Variants in LRTM3 observed in about 807,000 individuals in gnomAD.
LRTM3 encodes the protein leucine-rich repeat transmembrane protein 3.
At chr13:102,741,839 C>T in the LRTM3 span, 237 of 1,550,314 alleles carry the variant, frequency 1.5e-4, 2 homozygotes, top group South Asian at 2.1e-3. Context: ...TGTTCTAATT[C>T]GTGGGGCATC....
At chr13:102,757,252 G>A in the LRTM3 span, among the ~76,000 whole-genome samples, 1 of 152,166 alleles carries the variant, frequency 6.6e-6, no homozygotes, top group Non-Finnish European at 1.5e-5. Context: ...CTGAGAACTA[G>A]TGTTGCTAGT....
At chr13:102,733,844 G>A in the LRTM3 span, 4 of 1,551,348 alleles carry the variant, frequency 2.6e-6, no homozygotes, top group East Asian at 9.8e-5. Context: ...CTCTGGGCGG[G>A]GCACATACTG....
the LRTM3 span, chr13:102,744,610 G>T: frequency 6.4e-7 from 1 of 1,550,600 alleles, no homozygotes; most frequent in African/African-American, 1.4e-5. Flanking sequence ...TCCAAGATCT[G>T]CCTTCGGGAC....
At chr13:102,734,057 A>G in the LRTM3 span, 3 of 1,551,470 alleles carry the variant, frequency 1.9e-6, no homozygotes, top group Non-Finnish European at 2.6e-6. Context: ...TGACAGAACC[A>G]CACATGCTTC....
At chr13:102,745,315 A>C in the LRTM3 span, 4 of 1,550,586 alleles carry the variant, frequency 2.6e-6, no homozygotes, top group Non-Finnish European at 3.5e-6. Flanking sequence ...CTTCATGTGG[A>C]GATGTATCTT....
At chr13:102,748,121 CTA>C in the LRTM3 span, 1 of 1,551,048 alleles carries the variant, frequency 6.4e-7, no homozygotes, top group East Asian at 2.4e-5. Flanking sequence ...TTTTGATATG[CTA>C]TGTGTTTCTG....
chr13:102,752,484 C>T, the LRTM3 span, among the ~76,000 whole-genome samples: 1 of 152,158 alleles, frequency 6.6e-6, no homozygotes, highest in Non-Finnish European at 1.5e-5. Context: ...TCATTCTTTT[C>T]AAAACACCAT....
chr13:102,735,017 A>G, the LRTM3 span: 1 of 1,551,024 alleles, frequency 6.4e-7, no homozygotes, highest in African/African-American at 1.4e-5. Context: ...GGGTCTTGTT[A>G]ATATTGGTAT....
At chr13:102,737,926 A>G in the LRTM3 span, 15 of 1,550,754 alleles carry the variant, frequency 9.7e-6, no homozygotes, top group South Asian at 1.2e-5. Flanking sequence ...TCTTGTCTCC[A>G]TCCATTTTCC....
the LRTM3 span, among the ~76,000 whole-genome samples, chr13:102,754,141 G>A: frequency 6.8e-6 from 1 of 147,292 alleles, no homozygotes; most frequent in Non-Finnish European, 1.5e-5. Flanking sequence ...GGAGATGAAG[G>A]TTGCAGTGAG....
the LRTM3 span, chr13:102,738,660 C>G: frequency 2.6e-6 from 4 of 1,550,490 alleles, no homozygotes; most frequent in Non-Finnish European, 3.5e-6. Context: ...GCTGTTTTCT[C>G]TGTATCTGAT....
chr13:102,735,407 A>G, the LRTM3 span: 23 of 1,551,290 alleles, frequency 1.5e-5, no homozygotes, highest in Non-Finnish European at 1.9e-5. Flanking sequence ...CACTTTTGCA[A>G]TTCTTATCAC....
At chr13:102,756,696 CAAAA>C in the LRTM3 span, among the ~76,000 whole-genome samples, 31,103 of 107,606 alleles carry the variant, frequency 0.29, 4,419 homozygotes, top group African/African-American at 0.39. Flanking sequence ...AAAAAAAAAA[CAAAA>C]AAACAAAAAG....
the LRTM3 span, among the ~76,000 whole-genome samples, chr13:102,751,733 G>C: frequency 4.6e-5 from 7 of 152,114 alleles, no homozygotes; most frequent in African/African-American, 1.7e-4. Context: ...AGTGAAGGCA[G>C]TATATGAAAT....
the LRTM3 span, among the ~76,000 whole-genome samples, chr13:102,755,927 G>GTATATATATATACATATATATATA: frequency 9.0e-6 from 1 of 111,722 alleles, no homozygotes; most frequent in Non-Finnish European, 1.8e-5. Context: ...GTGTGTGTGT[G>GTATATATATATACATATATATATA]TGTGTATATA....
the LRTM3 span, chr13:102,741,461 A>G: frequency 2.6e-6 from 4 of 1,550,010 alleles, no homozygotes; most frequent in Non-Finnish European, 3.5e-6. Flanking sequence ...AGAACCTACA[A>G]ATATATCAGT....
the LRTM3 span, chr13:102,735,672 C>T: frequency 1.9e-6 from 3 of 1,551,116 alleles, no homozygotes; most frequent in East Asian, 2.4e-5. Context: ...TCTCCCTGTG[C>T]TGTGGGTTGC....
chr13:102,735,583 T>C, the LRTM3 span: 1 of 1,551,052 alleles, frequency 6.4e-7, no homozygotes. Context: ...TATCTGAGAG[T>C]AGTAATTGCT....
the LRTM3 span, chr13:102,732,838 T>A: frequency 1.3e-6 from 2 of 1,551,386 alleles, no homozygotes; most frequent in South Asian, 1.2e-5. Context: ...TGTCCATTTC[T>A]AATTTTTTCT....
Sources: allele counts gnomAD v4.1 joint callset (sites outside exome capture counted in the v4.1 genomes callset), GRCh38; gene constraint gnomAD v4.1.1; transcripts MANE v1.5; gene names NCBI Gene and HGNC (gene_info 2026-07-23, HGNC 2026-07-21).